The following CHD4 variants were observed in gnomAD, a reference collection of about 807,000 sequenced individuals.
CHD4 encodes the protein chromodomain helicase DNA binding protein 4.
CHD4 carries 35 observed loss-of-function variants against 235.5 expected under a neutral mutation model. The ratio of observed to expected loss-of-function variants is 0.15; its 90% CI spans 0.11 to 0.20. CHD4 has a LOEUF of 0.20. CHD4 is among the 10% of genes least tolerant of loss of function. The pLI is 1.00. For missense variants in CHD4, 1,329 were observed against 2,432.3 expected (o/e 0.55, Z 9.54); for synonymous variants, 900 against 850.2 (o/e 1.06, Z -1.02).
chr12:6,572,940 T>C (rs1483138660), intron 38 of CHD4, 134 bp downstream of exon 38: 1 of 817,846 alleles, frequency 1.2e-6, no homozygotes, highest in Non-Finnish European at 1.9e-6. Context: ...CTCCCAAGGA[T>C]GGCAAAGATC....
At position 6,570,982 on chromosome 12, in the gene CHD4, G is replaced by A; in HGVS notation, c.5608C>T (p.Arg1870Ter). ...LLSDMKADVT[R>*]LPATIARIPP... ...ATTCGGGCAATGGTAGCTGGGAGTC[G>A]AGTCACATCAGCTTTCATGTCACTC... The change falls in exon 39 of 40, where the codon CGA becomes TGA. Residue 1870 changes from arginine to a stop codon, truncating the protein, a stop_gained. Coordinates refer to ENST00000544040, the MANE Select transcript of CHD4 (RefSeq NM_001273.5). LOFTEE classifies it high-confidence loss of function. The A allele has an allele frequency of 6.2e-7, 1 of 1,614,124 alleles. No individual in the cohort carries two copies. The highest frequency in any genetic ancestry group is 8.5e-7 in the Non-Finnish European group (1 of 1,180,022).
At chr12:6,601,581 G>T (rs1247304269) in intron 5 of CHD4, 51 bp from the exon 6 acceptor site, 23 of 1,612,754 alleles carry the variant, frequency 1.4e-5, no homozygotes, top group Non-Finnish European at 1.9e-5. Context: ...AATAAAAAAA[G>T]AAAGAGAAGT....
intron 10 of CHD4, 141 bp downstream of exon 10, chr12:6,599,632 C>T: frequency 9.6e-7 from 1 of 1,045,952 alleles, no homozygotes; most frequent in Non-Finnish European, 1.4e-6. Context: ...AAAAGTATCC[C>T]AACACTATAG....
chr12:6,600,806 G>A, intron 7 of CHD4, 120 bp downstream of exon 7: 1 of 1,505,664 alleles, frequency 6.6e-7, no homozygotes, highest in Non-Finnish European at 8.9e-7. Flanking sequence ...GTCTCATCTT[G>A]TTCTGTGGGA....
rs967600143 is a variant in CHD4, at chr12:6,606,448, G to A, written c.-75C>T. On this transcript the variant is annotated 5_prime_UTR_variant, in exon 2 of 40. Transcript: ENST00000544040. ...CCTGAGGACCTCTACACTGGCCCGA[G>A]TCACTGTGCGGGGGAGGGGGGAGAA... The A allele has an allele frequency of 1.7e-5, 14 of 831,810 alleles. No individual in the cohort carries two copies. Among genetic ancestry groups the A allele is most frequent in the African/African-American group, 1.8e-5 (1 of 55,544 alleles). The allele number at this position is 831,810 out of a possible 1,614,324, so 51.5% of individuals were successfully genotyped here.
chr12:6,602,874 AC>A (rs1948623101), intron 2 of CHD4: 1 of 179,926 alleles, frequency 5.6e-6, no homozygotes, highest in African/African-American at 2.4e-5. Context: ...TATTCTATAA[AC>A]CAGGGAATGA....
chr12:6,570,102 A>G lies in CHD4; in HGVS notation c.*574T>C, dbSNP rs1488627935. The G allele has an allele frequency of 1.3e-5, 2 of 151,362 alleles. No homozygotes were observed. Among genetic ancestry groups the G allele is most frequent in the East Asian group, 3.9e-4 (2 of 5,136 alleles). 9.4% of individuals were successfully genotyped at this position (151,362 alleles called of 1,614,324 possible). A position where few individuals can be genotyped will look rare whatever the true frequency, so the allele number is the denominator to read the frequency against. On this transcript the variant is annotated 3_prime_UTR_variant, in exon 40 of 40. Coordinates refer to ENST00000544040, the MANE Select transcript of CHD4 (RefSeq NM_001273.5). ...AGCACTAAAATACAAGGAAACTTTT[A>G]TTTTCAATTTTCATCAAGAAATTTG... is the stretch of plus-strand genomic sequence containing the variant.
intron 4 of CHD4, 76 bp downstream of exon 4, chr12:6,601,883 TA>T: frequency 6.4e-7 from 1 of 1,566,816 alleles, no homozygotes; most frequent in South Asian, 1.1e-5. Flanking sequence ...GAAAGTGTTC[TA>T]AAGGGCAGTA....
rs1480077529 is a variant in CHD4 at position 6,585,282 on chromosome 12, T to C, written c.3880-1904A>G. Among the ~76,000 whole-genome samples the C allele has an allele frequency of 3.3e-5, 5 of 152,148 alleles. No homozygotes were observed. In the East Asian group the frequency reaches 7.8e-4, roughly 24 times the overall value. Reference sequence around the variant, plus strand: ...AAGAAGGGAGGAGAATAAAAAGGTATATACCGATTCTAATCTTTTTGAGAC... The same window carrying C: ...AAGAAGGGAGGAGAATAAAAAGGTACATACCGATTCTAATCTTTTTGAGAC... On this transcript the variant is annotated intron_variant, in intron 25 of 39. Coordinates refer to ENST00000544040, the MANE Select transcript of CHD4 (RefSeq NM_001273.5).
Position 6,588,576 on chromosome 12 carries a change from G to A in CHD4, c.3341-154C>T, listed in dbSNP as rs545470241. Among the ~76,000 whole-genome samples, 31 of 152,238 alleles carry A rather than the reference G, an allele frequency of 2.0e-4. 1 individual carries two copies. The highest frequency in any genetic ancestry group is 6.5e-4 in the African/African-American group (27 of 41,518). ...GTGGATCATTTGACATCAGGAGTTCGAGACCAGCCTGGCCAACACGGTGAA... is the reference window on the plus strand; with the variant it reads ...GTGGATCATTTGACATCAGGAGTTCAAGACCAGCCTGGCCAACACGGTGAA... On this transcript the variant is annotated intron_variant, in intron 22 of 39. Transcript: ENST00000544040.
chr12:6,600,196 C>T (rs1291037636), intron 9 of CHD4, 21 bp downstream of exon 9: 4 of 1,612,372 alleles, frequency 2.5e-6, no homozygotes, highest in Non-Finnish European at 3.4e-6. Context: ...TTCCAAGGGG[C>T]CACAATGGCC....
chr12:6,574,422 T>C (rs550708661), intron 37 of CHD4, among the ~76,000 whole-genome samples: 1 of 152,186 alleles, frequency 6.6e-6, no homozygotes, highest in Non-Finnish European at 1.5e-5. Context: ...ACATGTCATC[T>C]GATGGAGCTG....
intron 19 of CHD4, among the ~76,000 whole-genome samples, 151 bp downstream of exon 19, chr12:6,592,219 GTATAACCTAAAATAAGTAAGAAC>G (rs537910802): frequency 7.2e-4 from 110 of 152,368 alleles, no homozygotes; most frequent in Admixed American, 1.3e-3. Context: ...ATAAGGAAAG[GTATAACCTAAAATAAGTAAGAAC>G]TATGCGCTCC....
chr12:6,583,454 C>A, intron 25 of CHD4, 76 bp from the exon 26 acceptor site: 1 of 1,297,984 alleles, frequency 7.7e-7, no homozygotes, highest in Non-Finnish European at 1.1e-6. Flanking sequence ...TCACAGTTCC[C>A]ACTCTGCTAG....
chr12:6,600,145 G>C lies in CHD4; in HGVS notation c.1242+72C>G. ...GCACCAGCATTTCCATTTCCATCCA[G>C]GCCCCGAAGAGCTTTACTGTCCCAC... On this transcript the variant is annotated intron_variant, in intron 9 of 39. Coordinates refer to ENST00000544040, the MANE Select transcript of CHD4 (RefSeq NM_001273.5). 3 of 1,582,760 alleles carry C rather than the reference G, an allele frequency of 1.9e-6. No homozygotes were observed. In the South Asian group the frequency reaches 3.5e-5, roughly 18 times the overall value.
chr12:6,581,458 G>C, intron 31 of CHD4, 70 bp from the exon 32 acceptor site: 2 of 1,553,064 alleles, frequency 1.3e-6, no homozygotes, highest in African/African-American at 1.4e-5. Flanking sequence ...TTTCTTCCCA[G>C]TTTGTCTCAT....
intron 2 of CHD4, 136 bp from the exon 3 acceptor site, chr12:6,602,633 C>T: frequency 1.7e-6 from 2 of 1,168,164 alleles, no homozygotes; most frequent in Non-Finnish European, 2.4e-6. Flanking sequence ...ATACTCTGTA[C>T]AGGAGGAAGC....
intron 31 of CHD4, 49 bp downstream of exon 31, chr12:6,581,600 G>A (rs200017754): frequency 6.8e-6 from 11 of 1,612,966 alleles, no homozygotes; most frequent in Admixed American, 1.7e-5. Context: ...AGAAAAATAG[G>A]CCAGGACAAA....
intron 33 of CHD4, chr12:6,580,139 A>G (rs182594662): frequency 2.0e-5 from 3 of 151,980 alleles, no homozygotes; most frequent in Admixed American, 2.0e-4. Context: ...AGGCAGGAGA[A>G]TCGCTTGAAC....
Sources: gnomAD v4.1 joint callset for allele counts (sites outside exome capture counted in the v4.1 genomes callset) on GRCh38, gnomAD v4.1.1 for gene constraint, MANE v1.5 for transcripts, NCBI Gene and HGNC (gene_info 2026-07-23, HGNC 2026-07-21) for gene names.